Variants in TOGARAM2 observed in about 807,000 individuals in gnomAD.
TOGARAM2 encodes TOG array regulator of axonemal microtubules 2, also known as TOG array regulator of axonemal microtubules protein 2.
TOGARAM2 carries 85 observed loss-of-function variants against 93.3 expected under a neutral mutation model. The ratio of observed to expected loss-of-function variants is 0.91; its 90% CI spans 0.76 to 1.09. The LOEUF (loss-of-function observed/expected upper bound fraction) is 1.09. TOGARAM2 is among the 50% of genes least tolerant of loss of function. The pLI, the probability that TOGARAM2 is intolerant of heterozygous loss-of-function variation, is 0.00. For synonymous variants in TOGARAM2, 593 were observed against 552.8 expected, an observed-to-expected ratio of 1.07 and a Z score of -1.02; for missense variants, 1,277 against 1,334.5, an observed-to-expected ratio of 0.96 and a Z score of 0.67.
intron 4 of TOGARAM2, 39 bp from the exon 5 acceptor site, chr2:29,002,497 T>C (rs1483489730): frequency 1.9e-6 from 3 of 1,580,072 alleles, no homozygotes; most frequent in Non-Finnish European, 1.7e-6. Context: ...TCCCTGTTCT[T>C]CTGGGACTAA....
chr2:29,050,225 G>T (rs192002904), intron 19 of TOGARAM2: 1 of 152,294 alleles, frequency 6.6e-6, no homozygotes, highest in Admixed American at 6.5e-5. Flanking sequence ...GAGCGTGGAG[G>T]CGCATGCCTG....
intron 10 of TOGARAM2, among the ~76,000 whole-genome samples, chr2:29,020,991 G>T (rs536201200): frequency 6.6e-6 from 1 of 152,244 alleles, no homozygotes; most frequent in Admixed American, 6.5e-5. Flanking sequence ...TCGGCTCACT[G>T]CAACCTACGC....
intron 1 of TOGARAM2, among the ~76,000 whole-genome samples, chr2:28,984,547 A>C (rs773629918): frequency 2.6e-5 from 4 of 152,220 alleles, no homozygotes; most frequent in Non-Finnish European, 4.4e-5. Flanking sequence ...CTCTGAGTAC[A>C]TGTGCTTGTT....
In TOGARAM2 at chr2:29,003,584, G is replaced by A; in HGVS notation, c.732G>A (p.Arg244=). 2 of 1,596,116 alleles carry A rather than the reference G, an allele frequency of 1.3e-6. No individual in the cohort carries two copies. Among genetic ancestry groups the A allele is most frequent in the South Asian group, 1.1e-5 (1 of 87,616 alleles). ...TGATCCCACCCATCCCAAAGGCCAG[G>A]ACGGTTGCAGCGACCCCCTCCCGTG... The part of the protein sequence containing the change: ...AIVIPPIPKA[R]TVAATPSRVP... Residue 244 remains arginine, a synonymous_variant, in exon 6 of 20, where the codon AGG becomes AGA. Transcript: ENST00000379558.
Position 29,035,446 on chromosome 2 carries a change from G to T in TOGARAM2, c.2226-18G>T. 7.4e-7 allele frequency: 1 copy of T among 1,342,788 alleles called. No individual in the cohort carries two copies. Among genetic ancestry groups the T allele is most frequent in the Admixed American group, 3.2e-5 (1 of 31,496 alleles). 83.2% of individuals were successfully genotyped at this position (1,342,788 alleles called of 1,614,324 possible). A position where few individuals can be genotyped will look rare whatever the true frequency, so the allele number is the denominator to read the frequency against. Reference sequence around the variant, plus strand: ...GGGCTCTTCCCTGGGGGGTTCAGACGCCACGCTCCTTACCTAGGCTCAGCT... The same window carrying T: ...GGGCTCTTCCCTGGGGGGTTCAGACTCCACGCTCCTTACCTAGGCTCAGCT... On this transcript the variant is annotated intron_variant, in intron 16 of 19. Transcript: ENST00000379558.
chr2:28,996,298 T>A (rs1558411039), intron 2 of TOGARAM2, among the ~76,000 whole-genome samples: 1 of 152,172 alleles, frequency 6.6e-6, no homozygotes, highest in Non-Finnish European at 1.5e-5. Context: ...TACATTATTA[T>A]GAGCTATAGT....
At chr2:29,038,155 C>T (rs143194141) in intron 18 of TOGARAM2, among the ~76,000 whole-genome samples, 2,192 of 152,222 alleles carry the variant, frequency 0.014, 26 homozygotes, top group Non-Finnish European at 0.022. Context: ...GACTGGGCAT[C>T]CTGGAAAGGA....
intron 19 of TOGARAM2, chr2:29,051,480 C>T (rs1027321845): frequency 4.7e-5 from 13 of 277,342 alleles, no homozygotes; most frequent in Admixed American, 2.6e-4. Flanking sequence ...TCTGCCTTTG[C>T]GTGCCCCTTT....
intron 1 of TOGARAM2, among the ~76,000 whole-genome samples, chr2:28,972,014 G>A (rs538478096): frequency 1.1e-4 from 17 of 152,252 alleles, no homozygotes; most frequent in African/African-American, 3.6e-4. Flanking sequence ...TTGGAACGTC[G>A]TAATACACAG....
chr2:29,006,109 G>A (rs114474623), intron 6 of TOGARAM2, among the ~76,000 whole-genome samples: 95,184 of 142,568 alleles, frequency 0.67, 32,919 homozygotes, highest in Middle Eastern at 0.79. Context: ...CATGTGTGTG[G>A]AGTGCATATG....
At chr2:29,025,393 A>AT (rs34100996) in intron 13 of TOGARAM2, among the ~76,000 whole-genome samples, 43,498 of 150,178 alleles carry the variant, frequency 0.29, 6,301 homozygotes, top group Middle Eastern at 0.35. Flanking sequence ...AATGAATTGT[A>AT]TTTTTTTTTT....
chr2:29,034,681 G>A (rs912240178), intron 16 of TOGARAM2, among the ~76,000 whole-genome samples: 3 of 152,210 alleles, frequency 2.0e-5, no homozygotes, highest in Non-Finnish European at 4.4e-5. Flanking sequence ...GGCTGGAAGG[G>A]GCTAGGGGGC....
chr2:29,014,601 T>G, intron 8 of TOGARAM2, 40 bp downstream of exon 8: 1 of 1,545,870 alleles, frequency 6.5e-7, no homozygotes, highest in Non-Finnish European at 8.7e-7. Flanking sequence ...GGGGCTGGAG[T>G]GGACCGCAGG....
chr2:29,040,084 T>C (rs1447817697), intron 18 of TOGARAM2, among the ~76,000 whole-genome samples: 1 of 152,226 alleles, frequency 6.6e-6, no homozygotes, highest in Non-Finnish European at 1.5e-5. Flanking sequence ...ATCAACATTA[T>C]AATGTTAATG....
At chr2:28,978,008 G>A (rs915660720), upstream of TOGARAM2, among the ~76,000 whole-genome samples, 2 of 152,158 alleles carry the variant, frequency 1.3e-5, no homozygotes, top group African/African-American at 4.8e-5. Flanking sequence ...CTGGGCTCAA[G>A]CAATTCTCCT....
chr2:29,026,541 G>A (rs545107123), intron 13 of TOGARAM2, among the ~76,000 whole-genome samples: 2 of 152,200 alleles, frequency 1.3e-5, no homozygotes, highest in Non-Finnish European at 2.9e-5. Flanking sequence ...GGAAGATGGA[G>A]AAGAGTACTT....
chr2:29,036,905 C>T, intron 18 of TOGARAM2, 148 bp downstream of exon 18: 1 of 758,212 alleles, frequency 1.3e-6, no homozygotes, highest in Non-Finnish European at 2.1e-6. Context: ...CCCAGGGCCT[C>T]CAAGGCTCTT....
At chr2:29,044,706 C>G (rs943043051) in intron 18 of TOGARAM2, among the ~76,000 whole-genome samples, 2 of 151,902 alleles carry the variant, frequency 1.3e-5, no homozygotes, top group Non-Finnish European at 1.5e-5. Flanking sequence ...GCTCCTAGCT[C>G]TATGCCTGTT....
chr2:28,984,292 C>T (rs1672365956), intron 1 of TOGARAM2, among the ~76,000 whole-genome samples: 1 of 152,078 alleles, frequency 6.6e-6, no homozygotes, highest in Non-Finnish European at 1.5e-5. Flanking sequence ...CCAGGCAAAA[C>T]CTGGTGTATG....
Sources: gnomAD v4.1 joint callset for allele counts (sites outside exome capture counted in the v4.1 genomes callset) on GRCh38, gnomAD v4.1.1 for gene constraint, MANE v1.5 for transcripts, NCBI Gene and HGNC (gene_info 2026-07-23, HGNC 2026-07-21) for gene names.